The following OR10J1 variants were observed in gnomAD, a reference collection of about 807,000 sequenced individuals.
OR10J1 encodes the protein olfactory receptor 10J1.
For missense variants in OR10J1, 474 were observed against 376.6 expected, an observed-to-expected ratio of 1.26 and a Z score of -2.14; for synonymous variants, 202 against 143.8, an observed-to-expected ratio of 1.40 and a Z score of -2.89.
rs926685160 is a variant in OR10J1 at position 159,440,785 on chromosome 1, A to T, written c.*64A>T. On this transcript the variant is annotated 3_prime_UTR_variant, in exon 1 of 1. Coordinates refer to ENST00000423932, the MANE Select transcript of OR10J1 (RefSeq NM_012351.3). ...CACTAGGCAGGAATATGAGGTGTAA[A>T]CTCACAAACACTTGGCTCCTAGAGA... The T allele has an allele frequency of 6.6e-7, 1 of 1,516,204 alleles. No homozygotes were observed. Among genetic ancestry groups the T allele is most frequent in the Admixed American group, 2.0e-5 (1 of 50,780 alleles). The allele number at this position is 1,516,204 out of a possible 1,614,324, so 93.9% of individuals were successfully genotyped here.
the OR10J1 span, among the ~76,000 whole-genome samples, chr1:159,424,743 A>T: frequency 2.6e-5 from 4 of 152,116 alleles, no homozygotes; most frequent in African/African-American, 9.6e-5. Context: ...CAATGTGAAG[A>T]TTGATAGAAG....
At chr1:159,414,794 C>G in the OR10J1 span, among the ~76,000 whole-genome samples, 1 of 151,986 alleles carries the variant, frequency 6.6e-6, no homozygotes, top group South Asian at 2.1e-4. Context: ...GATGATATAT[C>G]TCATTGTGGT....
chr1:159,437,024 T>A (rs531185026), upstream of OR10J1, among the ~76,000 whole-genome samples: 1 of 152,150 alleles, frequency 6.6e-6, no homozygotes, highest in Admixed American at 6.5e-5. Context: ...GCTTAAAGAA[T>A]GAATGGATGC....
upstream of OR10J1, among the ~76,000 whole-genome samples, chr1:159,437,520 A>G (rs747131101): frequency 9.9e-5 from 15 of 152,236 alleles, no homozygotes; most frequent in Non-Finnish European, 1.8e-4. Flanking sequence ...ACATGCACAT[A>G]TACACACTCA....
At chr1:159,425,554 G>T in the OR10J1 span, among the ~76,000 whole-genome samples, 1 of 151,916 alleles carries the variant, frequency 6.6e-6, no homozygotes, top group African/African-American at 2.4e-5. Context: ...CAAGATACTC[G>T]AAAACTTAAT....
upstream of OR10J1, among the ~76,000 whole-genome samples, chr1:159,438,518 A>G (rs1028104552): frequency 6.6e-6 from 1 of 152,344 alleles, no homozygotes; most frequent in Admixed American, 6.5e-5. Context: ...AGCCTCACAG[A>G]AGACAAATGT....
the OR10J1 span, among the ~76,000 whole-genome samples, chr1:159,421,275 G>C: frequency 6.6e-6 from 1 of 152,066 alleles, no homozygotes; most frequent in East Asian, 1.9e-4. Flanking sequence ...TATGACTTCA[G>C]TAATTTTAAA....
At chr1:159,407,372 C>T in the OR10J1 span, among the ~76,000 whole-genome samples, 2 of 152,078 alleles carry the variant, frequency 1.3e-5, no homozygotes, top group Admixed American at 6.6e-5. Flanking sequence ...ATTGCTTTAT[C>T]TCTAAAATGA....
At chr1:159,430,624 A>C in the OR10J1 span, among the ~76,000 whole-genome samples, 1 of 140,382 alleles carries the variant, frequency 7.1e-6, no homozygotes, top group Non-Finnish European at 1.6e-5. Context: ...AAAAAGAAAG[A>C]AAGCAAAAAA....
the OR10J1 span, chr1:159,405,373 C>T: frequency 2.6e-5 from 4 of 156,244 alleles, no homozygotes; most frequent in South Asian, 2.0e-4. Flanking sequence ...TCACAATATT[C>T]CTGACTGCCA....
the OR10J1 span, among the ~76,000 whole-genome samples, chr1:159,412,687 C>A: frequency 9.2e-5 from 14 of 152,016 alleles, no homozygotes; most frequent in African/African-American, 3.4e-4. Context: ...AAAATTAATT[C>A]AAGATGGATT....
the OR10J1 span, among the ~76,000 whole-genome samples, chr1:159,412,732 C>T: frequency 6.6e-6 from 1 of 151,836 alleles, no homozygotes; most frequent in Non-Finnish European, 1.5e-5. Context: ...ACCATAAAAA[C>T]CCTAGAAGAA....
the OR10J1 span, among the ~76,000 whole-genome samples, chr1:159,410,442 A>G: frequency 2.0e-5 from 3 of 152,054 alleles, no homozygotes; most frequent in South Asian, 2.1e-4. Context: ...TGTATGCGTC[A>G]AGGAATTTAT....
the OR10J1 span, among the ~76,000 whole-genome samples, chr1:159,401,143 CAA>C: frequency 1.4e-5 from 2 of 141,362 alleles, no homozygotes; most frequent in African/African-American, 2.6e-5. Context: ...GTGCCTGCAC[CAA>C]AAAAAAAAGA....
the OR10J1 span, chr1:159,432,143 T>A: frequency 2.5e-6 from 1 of 400,178 alleles, no homozygotes; most frequent in Non-Finnish European, 4.4e-6. Flanking sequence ...ACCAGCCTAC[T>A]GTTTCCAGCC....
At chr1:159,430,669 G>GTGTGTGTGTGTGCA in the OR10J1 span, among the ~76,000 whole-genome samples, 1 of 20,158 alleles carries the variant, frequency 5.0e-5, no homozygotes. Flanking sequence ...GTGTGTGTGT[G>GTGTGTGTGTGTGCA]CGCGCGCGCA....
the OR10J1 span, among the ~76,000 whole-genome samples, chr1:159,425,343 G>C: frequency 6.6e-6 from 1 of 151,940 alleles, no homozygotes; most frequent in Admixed American, 6.6e-5. Flanking sequence ...CAGTCCTAAA[G>C]AACAATCAAA....
chr1:159,430,664 T>C, the OR10J1 span, among the ~76,000 whole-genome samples: 1 of 80,666 alleles, frequency 1.2e-5, no homozygotes, highest in African/African-American at 3.4e-5. Flanking sequence ...TGTGTGTGTG[T>C]GTGTGCGCGC....
At chr1:159,404,426 A>T in the OR10J1 span, among the ~76,000 whole-genome samples, 1 of 152,082 alleles carries the variant, frequency 6.6e-6, no homozygotes, top group Non-Finnish European at 1.5e-5. Flanking sequence ...GCAGCATAGG[A>T]TTCTGCAGGT....
Sources: allele counts gnomAD v4.1 joint callset (sites outside exome capture counted in the v4.1 genomes callset), GRCh38; gene constraint gnomAD v4.1.1; transcripts MANE v1.5; gene names NCBI Gene and HGNC (gene_info 2026-07-23, HGNC 2026-07-21).